MINDY2: variants seen among roughly 807,000 people sequenced by gnomAD.
MINDY2 encodes the protein ubiquitin carboxyl-terminal hydrolase MINDY-2.
In MINDY2, 52 loss-of-function variants were observed where a neutral mutation model predicts 68.2. The ratio of observed to expected loss-of-function variants is 0.76; its 90% CI spans 0.61 to 0.96. The LOEUF is 0.96. Among genes scored for constraint, MINDY2 ranks in the 40% least tolerant of loss-of-function variants. The pLI is 0.00. For missense variants in MINDY2, 881 were observed against 773.4 expected, an observed-to-expected ratio of 1.14 and a Z score of -1.65; for synonymous variants, 372 against 303.0, an observed-to-expected ratio of 1.23 and a Z score of -2.36.
chr15:58,780,265 G>T (rs1490528527), intron 1 of MINDY2, among the ~76,000 whole-genome samples: 1 of 152,062 alleles, frequency 6.6e-6, no homozygotes, highest in Non-Finnish European at 1.5e-5. Context: ...TTAGCCGGGT[G>T]TGGTGGCACA....
intron 2 of MINDY2, chr15:58,796,053 G>A (rs1205118127): frequency 2.2e-6 from 1 of 455,496 alleles, no homozygotes; most frequent in South Asian, 1.6e-5. Flanking sequence ...TGTCACTGCA[G>A]TGATGAGATG....
At chr15:58,833,786 A>G (rs1348378644) in intron 6 of MINDY2, among the ~76,000 whole-genome samples, 1 of 151,822 alleles carries the variant, frequency 6.6e-6, no homozygotes, top group Non-Finnish European at 1.5e-5. Context: ...TCCATTGCTC[A>G]GGGACAAGCA....
At chr15:58,825,375 C>T (rs74021012) in intron 5 of MINDY2, among the ~76,000 whole-genome samples, 8 of 152,126 alleles carry the variant, frequency 5.3e-5, no homozygotes, top group Admixed American at 6.5e-5. Context: ...TTTCGGGTGT[C>T]GATACCTTTT....
chr15:58,851,700 GT>G (rs2032820243), intron 7 of MINDY2, 70 bp from the exon 8 acceptor site: 1 of 1,153,114 alleles, frequency 8.7e-7, no homozygotes, highest in African/African-American at 1.6e-5. Flanking sequence ...TAGATATAAC[GT>G]TTGTATTTGC....
chr15:58,841,625 G>C (rs1001909461), intron 6 of MINDY2, among the ~76,000 whole-genome samples: 15 of 151,844 alleles, frequency 9.9e-5, no homozygotes, highest in African/African-American at 3.4e-4. Context: ...GGCTGGTCTC[G>C]AACTCCTGAC....
At chr15:58,774,175 G>A (rs1900624403) in intron 1 of MINDY2, among the ~76,000 whole-genome samples, 1 of 152,120 alleles carries the variant, frequency 6.6e-6, no homozygotes, top group African/African-American at 2.4e-5. Flanking sequence ...CCCACTGTGC[G>A]TGAGGTACTA....
intron 7 of MINDY2, among the ~76,000 whole-genome samples, 183 bp downstream of exon 7, chr15:58,847,653 A>C (rs1321421945): frequency 6.6e-6 from 1 of 152,258 alleles, no homozygotes; most frequent in African/African-American, 2.4e-5. Flanking sequence ...TTGGTGCAGA[A>C]GGCCAGATCA....
At chr15:58,783,336 T>G (rs1901281404) in intron 1 of MINDY2, among the ~76,000 whole-genome samples, 1 of 152,208 alleles carries the variant, frequency 6.6e-6, no homozygotes. Context: ...GTTGAGTACT[T>G]ATTATATTGG....
chr15:58,831,300 A>G (rs2031716523), intron 5 of MINDY2, among the ~76,000 whole-genome samples: 1 of 152,148 alleles, frequency 6.6e-6, no homozygotes, highest in Non-Finnish European at 1.5e-5. Flanking sequence ...CTTAAGAATT[A>G]TCTAGGATTT....
rs1216442950 is a variant in MINDY2 at position 58,861,742 on chromosome 15, T to C, written c.*7132T>C. The stretch of plus-strand genomic sequence containing the variant: ...ATTCAGTATTATTCAACATTTACTT[T>C]CATGTTTGTTATTGTACCACAAAGA... On this transcript the variant is annotated 3_prime_UTR_variant, in exon 9 of 9. Transcript: ENST00000559228. The C allele has an allele frequency of 6.6e-6, 1 of 152,232 alleles. No homozygotes were observed. Among genetic ancestry groups the C allele is most frequent in the African/African-American group, 2.4e-5 (1 of 41,458 alleles). The allele number at this position is 152,232 out of a possible 1,614,324, so 9.4% of individuals were successfully genotyped here. A position where few individuals can be genotyped will look rare whatever the true frequency, so the allele number is the denominator to read the frequency against.
At chr15:58,821,582 G>GA in intron 4 of MINDY2, 135 bp from the exon 5 acceptor site, 1 of 361,922 alleles carries the variant, frequency 2.8e-6, no homozygotes, top group Non-Finnish European at 4.7e-6. Flanking sequence ...TGATTTTAGT[G>GA]CTGATTTTGT....
intron 3 of MINDY2, among the ~76,000 whole-genome samples, chr15:58,803,545 G>A (rs1169856878): frequency 2.6e-5 from 4 of 151,962 alleles, no homozygotes; most frequent in African/African-American, 7.2e-5. Context: ...GGCCAGATGC[G>A]GTGACTCCTG....
chr15:58,809,266 G>T (rs1395665496), intron 3 of MINDY2, among the ~76,000 whole-genome samples: 1 of 151,858 alleles, frequency 6.6e-6, no homozygotes. Context: ...CAACCATTCT[G>T]CTTTCTGTTT....
chr15:58,779,917 T>G (rs1045991641), intron 1 of MINDY2, among the ~76,000 whole-genome samples: 1 of 152,140 alleles, frequency 6.6e-6, no homozygotes, highest in Non-Finnish European at 1.5e-5. Flanking sequence ...GTCTGTTGAG[T>G]CCCAGGTGAA....
chr15:58,783,457 CA>C (rs1246046872), intron 1 of MINDY2, among the ~76,000 whole-genome samples: 1 of 152,144 alleles, frequency 6.6e-6, no homozygotes, highest in Non-Finnish European at 1.5e-5. Context: ...GAGTCCCCTG[CA>C]TTTATCTTTT....
rs557712456 is a variant in MINDY2, at chr15:58,808,644, G to A, written c.964-1586G>A. On this transcript the variant is annotated intron_variant, in intron 3 of 8. Coordinates refer to ENST00000559228, the MANE Select transcript of MINDY2 (RefSeq NM_001040450.3). ...TTTTGAGACAGAGTCTCGCCCTGTC[G>A]CCCAGGCTGGAGTGCAGTGGCACAA... 5.3e-5 allele frequency among the ~76,000 whole-genome samples: 8 copies of A among 152,016 alleles called. No homozygotes were observed. The East Asian group carries it at 5.8e-4, about 11-fold the overall frequency.
At chr15:58,840,888 T>A (rs1254732764) in intron 6 of MINDY2, among the ~76,000 whole-genome samples, 1 of 148,818 alleles carries the variant, frequency 6.7e-6, no homozygotes, top group East Asian at 2.0e-4. Context: ...CAGGATGGTC[T>A]CGATCTCCTG....
At chr15:58,792,899 G>T (rs1045328611) in intron 2 of MINDY2, among the ~76,000 whole-genome samples, 2 of 151,868 alleles carry the variant, frequency 1.3e-5, no homozygotes, top group African/African-American at 2.4e-5. Flanking sequence ...CTACTTGGGA[G>T]GCTGAGGTGG....
intron 7 of MINDY2, among the ~76,000 whole-genome samples, chr15:58,849,533 T>C (rs1197572858): frequency 6.6e-6 from 1 of 151,874 alleles, no homozygotes; most frequent in Admixed American, 6.6e-5. Context: ...AGAAGGGGAA[T>C]GAAGGCAGAG....
Sources: gnomAD v4.1 joint callset for allele counts (sites outside exome capture counted in the v4.1 genomes callset) on GRCh38, gnomAD v4.1.1 for gene constraint, MANE v1.5 for transcripts, NCBI Gene and HGNC (gene_info 2026-07-23, HGNC 2026-07-21) for gene names.